The following OXR1 variants were observed in gnomAD, a reference collection of about 807,000 sequenced individuals.
The protein encoded by OXR1 is oxidation resistance 1, also known as oxidation resistance protein 1.
Under a neutral mutation model 104.6 loss-of-function variants are expected in OXR1, and 41 were observed. The observed-to-expected ratio is 0.39, with a 90% confidence interval of 0.31 to 0.51. The LOEUF (loss-of-function observed/expected upper bound fraction) is 0.51, where lower values mean the gene tolerates loss of function less well. Among genes scored for constraint, OXR1 ranks in the 20% least tolerant of loss-of-function variants. The pLI, the probability that OXR1 is intolerant of heterozygous loss-of-function variation, is 0.77. For synonymous variants in OXR1, 348 were observed against 348.4 expected (o/e 1.00, Z 0.01); for missense variants, 955 against 1,031.9 (o/e 0.93, Z 1.02).
intron 3 of OXR1, among the ~76,000 whole-genome samples, chr8:106,583,272 T>C (rs1214073650): frequency 1.3e-5 from 2 of 152,214 alleles, no homozygotes; most frequent in Non-Finnish European, 2.9e-5. Context: ...CCTATTAAAC[T>C]TCTTTAAATA....
chr8:106,479,766 C>G (rs1460417762), intron 2 of OXR1, among the ~76,000 whole-genome samples: 1 of 152,006 alleles, frequency 6.6e-6, no homozygotes, highest in Non-Finnish European at 1.5e-5. Flanking sequence ...ATATTCACAT[C>G]TGTTTTATTC....
chr8:106,665,724 A>C (rs900321445), intron 3 of OXR1, among the ~76,000 whole-genome samples: 1 of 152,166 alleles, frequency 6.6e-6, no homozygotes, highest in African/African-American at 2.4e-5. Context: ...TTACATTAGG[A>C]GACTCTTTAT....
At chr8:106,401,744 G>C (rs72678555) in intron 2 of OXR1, among the ~76,000 whole-genome samples, 15,925 of 152,172 alleles carry the variant, frequency 0.1, 1,163 homozygotes, top group South Asian at 0.32. Context: ...TTTCACCTAA[G>C]TAGAAAGCCT....
chr8:106,336,367 A>G (rs1351338430), intron 1 of OXR1, among the ~76,000 whole-genome samples: 3 of 152,188 alleles, frequency 2.0e-5, no homozygotes, highest in Non-Finnish European at 4.4e-5. Context: ...TTCCAATGAC[A>G]GATTCAGAGA....
chr8:106,631,794 T>G (rs778115967), intron 3 of OXR1, among the ~76,000 whole-genome samples: 131 of 152,336 alleles, frequency 8.6e-4, no homozygotes, highest in Non-Finnish European at 1.3e-3. Flanking sequence ...AGATGTTCAG[T>G]GAATTTACTT....
At chr8:106,290,895 A>C (rs1812721956) in intron 1 of OXR1, among the ~76,000 whole-genome samples, 1 of 152,176 alleles carries the variant, frequency 6.6e-6, no homozygotes, top group South Asian at 2.1e-4. Flanking sequence ...AGATTTCTCA[A>C]ATAACCTAAA....
chr8:106,571,362 C>G (rs1424552618), intron 3 of OXR1, among the ~76,000 whole-genome samples: 1 of 151,922 alleles, frequency 6.6e-6, no homozygotes, highest in East Asian at 1.9e-4. Flanking sequence ...GAAAGAGAGA[C>G]AGAGAGAGAG....
chr8:106,409,766 CT>C (rs1462337554), intron 2 of OXR1, among the ~76,000 whole-genome samples: 1 of 152,112 alleles, frequency 6.6e-6, no homozygotes, highest in African/African-American at 2.4e-5. Context: ...ATTAGTTTGA[CT>C]TTCTTTTCTG....
intron 3 of OXR1, among the ~76,000 whole-genome samples, chr8:106,543,728 C>T (rs955837084): frequency 6.6e-6 from 1 of 152,136 alleles, no homozygotes; most frequent in Non-Finnish European, 1.5e-5. Flanking sequence ...CCAGAAATGT[C>T]AATATGGCAG....
intron 3 of OXR1, among the ~76,000 whole-genome samples, chr8:106,524,347 G>A (rs1286957733): frequency 1.3e-5 from 2 of 152,186 alleles, no homozygotes; most frequent in African/African-American, 4.8e-5. Flanking sequence ...AAGCATGTAC[G>A]ATTGCTCCCT....
At chr8:106,577,342 C>T (rs4286919) in intron 3 of OXR1, among the ~76,000 whole-genome samples, 4 of 140,014 alleles carry the variant, frequency 2.9e-5, no homozygotes, top group African/African-American at 1.1e-4. Flanking sequence ...TCCCGAGTAG[C>T]TGGGATTACA....
chr8:106,619,612 T>C (rs1219709331), intron 3 of OXR1, among the ~76,000 whole-genome samples: 1 of 152,208 alleles, frequency 6.6e-6, no homozygotes, highest in Non-Finnish European at 1.5e-5. Context: ...TAATCAATTA[T>C]ATCTAGTTCA....
chr8:106,642,064 A>T (rs1823697674), intron 3 of OXR1, among the ~76,000 whole-genome samples: 1 of 152,124 alleles, frequency 6.6e-6, no homozygotes. Context: ...GCACAACCAC[A>T]CTTGGCCACA....
rs201973185 is a variant in OXR1, at chr8:106,361,853, A to T, written c.23+2217A>T. Among the ~76,000 whole-genome samples, 11 of 152,332 alleles carry T rather than the reference A, an allele frequency of 7.2e-5. No individual in the cohort carries two copies. The East Asian group carries it at 1.7e-3, about 24-fold the overall frequency. Reference sequence around the variant, plus strand: ...AAAGATTACTAATTTAAAATAAGACATGTAACATTTAAGTGTATGCCATGC... The same window carrying T: ...AAAGATTACTAATTTAAAATAAGACTTGTAACATTTAAGTGTATGCCATGC... On this transcript the variant is annotated intron_variant, in intron 2 of 16. Coordinates refer to ENST00000517566, the MANE Select transcript of OXR1 (RefSeq NM_001198533.2).
At chr8:106,493,663 T>A (rs1342646171) in intron 2 of OXR1, among the ~76,000 whole-genome samples, 1 of 152,238 alleles carries the variant, frequency 6.6e-6, no homozygotes, top group Non-Finnish European at 1.5e-5. Context: ...TTCCTGAGAT[T>A]TCACTATCTT....
chr8:106,341,401 A>ATATATATATATATG (rs1451250722), intron 1 of OXR1, among the ~76,000 whole-genome samples: 3 of 151,032 alleles, frequency 2.0e-5, no homozygotes, highest in Non-Finnish European at 4.4e-5. Context: ...ATATATATAT[A>ATATATATATATATG]TATATACTTT....
chr8:106,310,031 C>T (rs778815970), intron 1 of OXR1, among the ~76,000 whole-genome samples: 100 of 151,688 alleles, frequency 6.6e-4, no homozygotes, highest in Non-Finnish European at 1.1e-3. Flanking sequence ...ATATTGTCTT[C>T]TGATTTCCTA....
intron 1 of OXR1, among the ~76,000 whole-genome samples, chr8:106,304,178 T>G (rs1813380965): frequency 6.6e-6 from 1 of 152,166 alleles, no homozygotes; most frequent in African/African-American, 2.4e-5. Context: ...AACCAAAATC[T>G]TGACTCATCA....
chr8:106,699,802 C>G (rs918048582), intron 7 of OXR1, among the ~76,000 whole-genome samples: 12 of 152,044 alleles, frequency 7.9e-5, no homozygotes, highest in African/African-American at 1.4e-4. Context: ...TCATGGAAGT[C>G]GTTTTTTCTT....
Sources: gnomAD v4.1 joint callset for allele counts (sites outside exome capture counted in the v4.1 genomes callset) on GRCh38, gnomAD v4.1.1 for gene constraint, MANE v1.5 for transcripts, NCBI Gene and HGNC (gene_info 2026-07-23, HGNC 2026-07-21) for gene names.